SNAP23: variants seen among roughly 807,000 people sequenced by gnomAD.
SNAP23 encodes the protein synaptosome associated protein 23, also known as synaptosomal-associated protein 23.
Under a neutral mutation model 29.0 loss-of-function variants are expected in SNAP23, and 11 were observed. The observed-to-expected ratio is 0.38, with a 90% CI of 0.24 to 0.63. The LOEUF (loss-of-function observed/expected upper bound fraction) is 0.63. Among genes scored for constraint, SNAP23 ranks in the 20% least tolerant of loss-of-function variants. The pLI is 0.58. For synonymous variants in SNAP23, 60 were observed against 82.9 expected (o/e 0.72, Z 1.50); for missense variants, 220 against 253.9 (o/e 0.87, Z 0.91).
At chr15:42,521,585 C>T in intron 5 of SNAP23, 1 of 1,531,896 alleles carries the variant, frequency 6.5e-7, no homozygotes, top group Non-Finnish European at 8.7e-7. Flanking sequence ...CTAATCTCTT[C>T]CTTTCTAATC....
intron 6 of SNAP23, among the ~76,000 whole-genome samples, 153 bp downstream of exon 6, chr15:42,528,573 T>C (rs896159504): frequency 1.3e-5 from 2 of 151,968 alleles, no homozygotes; most frequent in African/African-American, 4.8e-5. Flanking sequence ...ACTGACAAAA[T>C]GTGGGTTTTT....
chr15:42,496,528 C>T (rs192940882), intron 1 of SNAP23, among the ~76,000 whole-genome samples: 1 of 152,054 alleles, frequency 6.6e-6, no homozygotes. Flanking sequence ...ACCAGCCTGG[C>T]CAACATGATG....
At chr15:42,512,721 T>C (rs1238232627) in intron 2 of SNAP23, among the ~76,000 whole-genome samples, 1 of 151,984 alleles carries the variant, frequency 6.6e-6, no homozygotes, top group East Asian at 1.9e-4. Flanking sequence ...ATTCTTTTTG[T>C]TTTTTCCTTT....
intron 1 of SNAP23, among the ~76,000 whole-genome samples, chr15:42,499,816 C>T (rs1164688135): frequency 6.6e-6 from 1 of 152,074 alleles, no homozygotes; most frequent in Non-Finnish European, 1.5e-5. Flanking sequence ...ATTATCATAA[C>T]ACAATTCTAG....
intron 1 of SNAP23, chr15:42,505,488 T>C (rs2141512098): frequency 6.6e-6 from 1 of 152,256 alleles, no homozygotes; most frequent in African/African-American, 2.4e-5. Flanking sequence ...TGTGTATTTC[T>C]TTCCAAGAAG....
rs1363352352 is a variant in SNAP23 at position 42,532,651 on chromosome 15, G to A, written c.*1173G>A. ...GCAGGGCTTAAAATTTTTTGGAAAA[G>A]TTTGACAAAGCATACCACATGAATT... On this transcript the variant is annotated 3_prime_UTR_variant, in exon 8 of 8. Coordinates refer to ENST00000249647, the MANE Select transcript of SNAP23 (RefSeq NM_003825.4). 1 of 152,586 alleles carries A rather than the reference G, an allele frequency of 6.6e-6. No individual in the cohort carries two copies. Among genetic ancestry groups the A allele is most frequent in the East Asian group, 1.9e-4 (1 of 5,202 alleles). 9.5% of individuals were successfully genotyped at this position (152,586 alleles called of 1,614,324 possible).
chr15:42,505,921 T>G (rs2057313472), intron 1 of SNAP23, among the ~76,000 whole-genome samples: 1 of 151,566 alleles, frequency 6.6e-6, no homozygotes, highest in Non-Finnish European at 1.5e-5. Context: ...TTTTCCTTCT[T>G]TCTTTTCTTT....
intron 1 of SNAP23, among the ~76,000 whole-genome samples, chr15:42,510,221 A>G (rs1041537824): frequency 6.6e-6 from 1 of 152,038 alleles, no homozygotes; most frequent in East Asian, 1.9e-4. Flanking sequence ...CTTCAGCCTC[A>G]ACCTCCTGGA....
intron 1 of SNAP23, among the ~76,000 whole-genome samples, chr15:42,509,930 G>A (rs1223644541): frequency 6.6e-6 from 1 of 151,936 alleles, no homozygotes; most frequent in African/African-American, 2.4e-5. Flanking sequence ...TTAGTGGGGC[G>A]TGGTGGTGCA....
intron 5 of SNAP23, among the ~76,000 whole-genome samples, chr15:42,520,045 CTTTTTTTTTTTTTTTTTT>C (rs201577060): frequency 2.5e-4 from 23 of 92,980 alleles, no homozygotes; most frequent in East Asian, 1.4e-3. Flanking sequence ...AACCCCCTTG[CTTTTTTTTTTTTTTTTTT>C]TTTTTTGAGA....
At chr15:42,529,854 A>G in intron 7 of SNAP23, 35 bp downstream of exon 7, 1 of 1,605,560 alleles carries the variant, frequency 6.2e-7, no homozygotes, top group Non-Finnish European at 8.5e-7. Flanking sequence ...AAAATGAGAC[A>G]CCCAGTTCAG....
rs1354636959 is a variant in SNAP23 at position 42,528,539 on chromosome 15, T to A, written c.425+119T>A. ...ATAAAAATTGTATTTATTCCATTTT[T>A]AAAATGCATTTAAAAATCTGCCCAC... On this transcript the variant is annotated intron_variant, in intron 6 of 7. Coordinates refer to ENST00000249647, the MANE Select transcript of SNAP23 (RefSeq NM_003825.4). 5 of 1,026,216 alleles carry A rather than the reference T, an allele frequency of 4.9e-6. No homozygotes were observed. The African/African-American group carries it at 4.9e-5, about 10-fold the overall frequency. The allele number at this position is 1,026,216 out of a possible 1,614,324, so 63.6% of individuals were successfully genotyped here. A position where few individuals can be genotyped will look rare whatever the true frequency, so the allele number is the denominator to read the frequency against.
At chr15:42,513,054 C>T in intron 3 of SNAP23, 58 bp downstream of exon 3, 1 of 1,213,376 alleles carries the variant, frequency 8.2e-7, no homozygotes, top group Non-Finnish European at 1.2e-6. Context: ...GATCCTAATA[C>T]TTCTGGCTGG....
chr15:42,506,611 A>G (rs2057318764), intron 1 of SNAP23, among the ~76,000 whole-genome samples: 1 of 152,120 alleles, frequency 6.6e-6, no homozygotes, highest in South Asian at 2.1e-4. Context: ...ACAGTTGAAA[A>G]CCATGATTAC....
intron 5 of SNAP23, among the ~76,000 whole-genome samples, chr15:42,518,460 G>C (rs2057416615): frequency 6.9e-6 from 1 of 145,874 alleles, no homozygotes; most frequent in Admixed American, 7.0e-5. Flanking sequence ...TCTCGAGACA[G>C]GGTCTCGCTC....
intron 5 of SNAP23, chr15:42,527,800 C>G (rs1235071096): frequency 3.2e-5 from 5 of 156,028 alleles, no homozygotes; most frequent in African/African-American, 1.2e-4. Flanking sequence ...CCTTCTTATT[C>G]TGTCATCCCT....
chr15:42,509,528 CT>C (rs528428939), intron 1 of SNAP23, among the ~76,000 whole-genome samples: 86 of 151,622 alleles, frequency 5.7e-4, no homozygotes, highest in Non-Finnish European at 1.2e-3. Context: ...CAACCTCTGC[CT>C]CCCAGGTTCA....
At chr15:42,525,864 C>T (rs1183197743) in intron 5 of SNAP23, among the ~76,000 whole-genome samples, 2 of 152,082 alleles carry the variant, frequency 1.3e-5, no homozygotes, top group Non-Finnish European at 2.9e-5. Flanking sequence ...CATTTTTAAA[C>T]AATTCATTTG....
At chr15:42,503,833 T>G (rs1038525483) in intron 1 of SNAP23, among the ~76,000 whole-genome samples, 1 of 152,208 alleles carries the variant, frequency 6.6e-6, no homozygotes, top group Non-Finnish European at 1.5e-5. Flanking sequence ...GATACGATTC[T>G]GTGATGTACT....
Sources: allele counts gnomAD v4.1 joint callset (sites outside exome capture counted in the v4.1 genomes callset), GRCh38; gene constraint gnomAD v4.1.1; transcripts MANE v1.5; gene names NCBI Gene and HGNC (gene_info 2026-07-23, HGNC 2026-07-21).